Variants in FAM117B observed in about 807,000 individuals in gnomAD.
The protein encoded by FAM117B is protein FAM117B.
Under a neutral mutation model 52.8 loss-of-function variants are expected in FAM117B, and 22 were observed. The ratio of observed to expected loss-of-function variants is 0.42; its 90% CI spans 0.30 to 0.59. The LOEUF is 0.59. FAM117B is among the 20% of genes least tolerant of loss of function. FAM117B has a pLI of 0.22. For synonymous variants in FAM117B, 309 were observed against 324.1 expected (o/e 0.95, Z 0.50); for missense variants, 678 against 802.6 (o/e 0.84, Z 1.88).
chr2:202,764,624 T>C (rs1691948488), intron 7 of FAM117B, among the ~76,000 whole-genome samples: 1 of 152,148 alleles, frequency 6.6e-6, no homozygotes, highest in Non-Finnish European at 1.5e-5. Flanking sequence ...AGTCTTGATT[T>C]ATTTAGGTTC....
At chr2:202,712,920 T>C (rs1375537796) in intron 2 of FAM117B, among the ~76,000 whole-genome samples, 2 of 152,222 alleles carry the variant, frequency 1.3e-5, no homozygotes, top group South Asian at 4.1e-4. Flanking sequence ...ATCTTTTTAA[T>C]GTGTTGTTGA....
intron 2 of FAM117B, among the ~76,000 whole-genome samples, chr2:202,717,653 CCAAA>C (rs1414015852): frequency 5.3e-5 from 8 of 152,128 alleles, no homozygotes; most frequent in Non-Finnish European, 1.5e-5. Context: ...TTTCTTTCTC[CCAAA>C]CAGAGTGTCC....
chr2:202,644,064 G>T (rs80153918), intron 1 of FAM117B, among the ~76,000 whole-genome samples: 28,241 of 93,082 alleles, frequency 0.3, 3,570 homozygotes, highest in South Asian at 0.43. Flanking sequence ...TTTTTTTTTT[G>T]TTTTTTTTTT....
At chr2:202,736,667 T>A (rs567207861) in intron 4 of FAM117B, among the ~76,000 whole-genome samples, 2 of 152,078 alleles carry the variant, frequency 1.3e-5, no homozygotes. Flanking sequence ...GAGGTTGAGG[T>A]GGGAGAATCA....
At chr2:202,670,921 A>T (rs956976359) in intron 1 of FAM117B, among the ~76,000 whole-genome samples, 1 of 152,204 alleles carries the variant, frequency 6.6e-6, no homozygotes, top group East Asian at 1.9e-4. Flanking sequence ...TTGCATTTTG[A>T]AGTTTAATTC....
Position 202,697,076 on chromosome 2 carries a change from G to GA in FAM117B, c.753+1050dup, listed in dbSNP as rs1435739336. ...AGAGTGAGAACCTGTCTCAAAAAAA[G>GA]AAAAAACAAAGAAGAAGAAATCATT... On this transcript the variant is annotated intron_variant, in intron 2 of 7. Transcript: ENST00000392238. 7.2e-5 allele frequency among the ~76,000 whole-genome samples: 11 copies of GA among 151,832 alleles called. No individual in the cohort carries two copies. In the East Asian group the frequency reaches 2.1e-3, roughly 29 times the overall value.
intron 1 of FAM117B, among the ~76,000 whole-genome samples, chr2:202,678,319 A>T (rs1328000771): frequency 1.3e-5 from 2 of 152,158 alleles, no homozygotes; most frequent in East Asian, 3.9e-4. Flanking sequence ...GTGGCTGCTT[A>T]TATGAGGAGG....
intron 1 of FAM117B, among the ~76,000 whole-genome samples, chr2:202,687,161 G>A (rs1434254063): frequency 6.6e-6 from 1 of 152,192 alleles, no homozygotes; most frequent in Admixed American, 6.5e-5. Flanking sequence ...GGATCTCATG[G>A]ACACTATGCC....
chr2:202,739,600 C>T (rs948890634), intron 4 of FAM117B, among the ~76,000 whole-genome samples: 17 of 151,928 alleles, frequency 1.1e-4, no homozygotes, highest in African/African-American at 3.4e-4. Context: ...GGACCACAGG[C>T]GTGTGCCACC....
intron 2 of FAM117B, among the ~76,000 whole-genome samples, chr2:202,709,191 C>T (rs1217714849): frequency 1.3e-5 from 2 of 151,722 alleles, no homozygotes; most frequent in Admixed American, 1.3e-4. Context: ...TTTTTTTTCC[C>T]CAAGTCCTTA....
chr2:202,650,082 T>G (rs1689935189), intron 1 of FAM117B, among the ~76,000 whole-genome samples: 1 of 152,022 alleles, frequency 6.6e-6, no homozygotes, highest in Non-Finnish European at 1.5e-5. Flanking sequence ...ATCTAGCCAG[T>G]GTTTTAGAGC....
At position 202,726,231 on chromosome 2, in the gene FAM117B, GC is replaced by G; in HGVS notation, c.847-18del. 6.4e-7 allele frequency: 1 copy of G among 1,566,556 alleles called. No homozygotes were observed. On this transcript the variant is annotated intron_variant, in intron 3 of 7. Coordinates refer to ENST00000392238, the MANE Select transcript of FAM117B (RefSeq NM_173511.4). ...ATGTAGAAAACACTCTGGTGTACTT[GC>G]TATTTTTGCTTTCTCAGATTGCAAA...
rs190588248 is a variant in FAM117B, at chr2:202,708,618, T to C, written c.753+12586T>C. On this transcript the variant is annotated intron_variant, in intron 2 of 7. Coordinates refer to ENST00000392238, the MANE Select transcript of FAM117B (RefSeq NM_173511.4). ...TTTCCATTTTTAATTATTTGTTTTG[T>C]TTTTAGAGACTGGGTCTTGTTCTGT... Among the ~76,000 whole-genome samples the C allele has an allele frequency of 9.8e-5, 15 of 152,322 alleles. No homozygotes were observed. The East Asian group carries it at 2.7e-3, about 27-fold the overall frequency.
At chr2:202,737,039 A>G (rs1228983424) in intron 4 of FAM117B, among the ~76,000 whole-genome samples, 2 of 152,208 alleles carry the variant, frequency 1.3e-5, no homozygotes, top group African/African-American at 4.8e-5. Context: ...GTTGGCTTTT[A>G]GCATTAAAAT....
rs1305695517 is a variant in FAM117B at position 202,724,970 on chromosome 2, G to A, written c.807G>A (p.Lys269=). The A allele has an allele frequency of 1.2e-6, 2 of 1,613,392 alleles. No homozygotes were observed. The highest frequency in any genetic ancestry group is 2.2e-5 in the South Asian group (2 of 91,030). ...EYSEKKKGSH[K]RSASWGSTDQ... is the part of the protein sequence containing the mutation. ...CTGAAAAGAAGAAAGGGTCTCACAA[G>A]CGCTCAGCATCTTGGGGCAGTACAG... Residue 269 remains lysine (K), a synonymous_variant, in exon 3 of 8, where the codon AAG becomes AAA. Transcript: ENST00000392238.
intron 1 of FAM117B, among the ~76,000 whole-genome samples, chr2:202,642,542 G>A (rs1559092487): frequency 6.6e-6 from 1 of 152,016 alleles, no homozygotes; most frequent in African/African-American, 2.4e-5. Flanking sequence ...TTGGATGGTG[G>A]TTCTAATTGA....
intron 4 of FAM117B, among the ~76,000 whole-genome samples, chr2:202,734,847 T>C (rs1691415051): frequency 6.6e-6 from 1 of 152,240 alleles, no homozygotes; most frequent in South Asian, 2.1e-4. Flanking sequence ...AAGCTTTTAT[T>C]ATTACAAAAG....
At position 202,768,809 on chromosome 2, in the gene FAM117B, T is replaced by C. The variant is rs1692025977; in HGVS notation, c.*3045T>C. 6.6e-6 allele frequency: 1 copy of C among 152,170 alleles called. No individual in the cohort carries two copies. 9.4% of individuals were successfully genotyped at this position (152,170 alleles called of 1,614,324 possible). ...TAATTTTATAAAAATTTATTTCCAT[T>C]GCATTAAAAGAAATGGGTAGCATGT... is the stretch of plus-strand genomic sequence containing the variant. On this transcript the variant is annotated 3_prime_UTR_variant, in exon 8 of 8. Transcript: ENST00000392238.
intron 2 of FAM117B, among the ~76,000 whole-genome samples, chr2:202,720,826 G>A (rs1691141191): frequency 1.3e-5 from 2 of 152,202 alleles, no homozygotes; most frequent in South Asian, 4.2e-4. Context: ...CAAGTAATTT[G>A]CGAGTTTTGG....
Sources: gnomAD v4.1 joint callset for allele counts (sites outside exome capture counted in the v4.1 genomes callset) on GRCh38, gnomAD v4.1.1 for gene constraint, MANE v1.5 for transcripts, NCBI Gene and HGNC (gene_info 2026-07-23, HGNC 2026-07-21) for gene names.